The following GPR160 variants were observed in gnomAD, a reference collection of about 807,000 sequenced individuals.
The protein encoded by GPR160 is G protein-coupled receptor 160.
In GPR160, 2 loss-of-function variants were observed where a neutral mutation model predicts 2.6. The ratio of observed to expected loss-of-function variants is 0.77; its 90% confidence interval spans 0.32 to 2.44. The LOEUF (loss-of-function observed/expected upper bound fraction) is 2.44, where lower values mean the gene tolerates loss of function less well. Ranked by LOEUF, GPR160 falls within the 30% of genes most tolerant of loss-of-function variation. GPR160 has a pLI of 0.11. For missense variants in GPR160, 351 were observed against 383.6 expected, an observed-to-expected ratio of 0.91 and a Z score of 0.71; for synonymous variants, 130 against 132.2, an observed-to-expected ratio of 0.98 and a Z score of 0.12.
At chr3:170,059,746 C>T (rs1165678816) in intron 2 of GPR160, among the ~76,000 whole-genome samples, 6 of 151,866 alleles carry the variant, frequency 4.0e-5, no homozygotes, top group African/African-American at 7.3e-5. Context: ...CACAGGGAAA[C>T]GGGTGCCATG....
intron 2 of GPR160, among the ~76,000 whole-genome samples, chr3:170,058,252 C>T (rs1384075759): frequency 1.3e-5 from 2 of 152,168 alleles, no homozygotes; most frequent in Non-Finnish European, 2.9e-5. Flanking sequence ...TTTCAGGCCA[C>T]TGGGTGGCTG....
At chr3:170,082,667 C>T (rs995326439) in intron 3 of GPR160, among the ~76,000 whole-genome samples, 1 of 152,150 alleles carries the variant, frequency 6.6e-6, no homozygotes, top group African/African-American at 2.4e-5. Flanking sequence ...ACAATCATGG[C>T]TCACTGCAGC....
At position 170,084,688 on chromosome 3, in the gene GPR160, T is replaced by A; in HGVS notation, c.716T>A (p.Ile239Lys). 1 of 1,612,196 alleles carries A rather than the reference T, an allele frequency of 6.2e-7. No individual in the cohort carries two copies. The highest frequency in any genetic ancestry group is 1.7e-4 in the Middle Eastern group (1 of 6,056). The change falls in exon 4 of 4, where the codon ATA (isoleucine) becomes AAA (lysine). Residue 239 changes from isoleucine to lysine, a missense_variant. By Grantham distance (102) the Ile-to-Lys change is moderately radical. Transcript: ENST00000355897. ...AGTTATACTGTGAGATCTAAAAAAATATTCTTATCCAAGCTCATTGTCTGT... is the reference window on the plus strand; with the variant it reads ...AGTTATACTGTGAGATCTAAAAAAAAATTCTTATCCAAGCTCATTGTCTGT... The part of the protein sequence containing the change: ...HSSYTVRSKK[I>K]FLSKLIVCFL...
chr3:170,084,980 G>A lies in GPR160; in HGVS notation c.1008G>A (p.Met336Ile), dbSNP rs1713353131. 6.9e-7 allele frequency: 1 copy of A among 1,459,334 alleles called. No individual in the cohort carries two copies. Among genetic ancestry groups the A allele is most frequent in the East Asian group, 2.3e-5 (1 of 43,334 alleles). The allele number at this position is 1,459,334 out of a possible 1,614,324, so 90.4% of individuals were successfully genotyped here. A position where few individuals can be genotyped will look rare whatever the true frequency, so the allele number is the denominator to read the frequency against. ...AAATTGAAAAGCCTATATCAATAAT[G>A]ATTTGTTAATATTATTAATTAAAAG... Reference protein sequence around the residue: ...LEQIEKPISIMIC With the variant: ...LEQIEKPISIIIC Residue 336 changes from methionine to isoleucine, a missense_variant, in exon 4 of 4, where the codon ATG becomes ATA. Met to Ile is a conservative substitution (Grantham distance 10, BLOSUM62 1). Coordinates refer to ENST00000355897, the MANE Select transcript of GPR160 (RefSeq NM_014373.3).
intron 2 of GPR160, among the ~76,000 whole-genome samples, chr3:170,075,487 T>C (rs1712805796): frequency 6.6e-6 from 1 of 152,098 alleles, no homozygotes; most frequent in South Asian, 2.1e-4. Context: ...GCAACAAAGG[T>C]TTATTTCTTG....
chr3:170,081,242 C>T (rs1303125138), intron 3 of GPR160, among the ~76,000 whole-genome samples: 3 of 151,264 alleles, frequency 2.0e-5, no homozygotes, highest in African/African-American at 7.2e-5. Flanking sequence ...CTTCTTTATC[C>T]AAGCAACACC....
chr3:170,069,547 A>C (rs1005124725), intron 2 of GPR160, among the ~76,000 whole-genome samples: 1 of 151,932 alleles, frequency 6.6e-6, no homozygotes, highest in African/African-American at 2.4e-5. Flanking sequence ...CCATCTGTTC[A>C]TTTTCCAGCC....
chr3:170,065,193 A>AGTATC (rs1278447762), intron 2 of GPR160, among the ~76,000 whole-genome samples: 4 of 152,246 alleles, frequency 2.6e-5, no homozygotes, highest in Non-Finnish European at 5.9e-5. Context: ...ATAGCTAATG[A>AGTATC]GTATCGTACA....
In GPR160 at chr3:170,055,841, AG is replaced by A. The variant is rs1433416251; in HGVS notation, c.-193+16799del. 5.3e-5 allele frequency among the ~76,000 whole-genome samples: 8 copies of A among 152,232 alleles called. No individual in the cohort carries two copies. The East Asian group carries it at 1.5e-3, about 29-fold the overall frequency. On this transcript the variant is annotated intron_variant, in intron 2 of 3. Coordinates refer to ENST00000355897, the MANE Select transcript of GPR160 (RefSeq NM_014373.3). ...AGTAGAGGCGGGGTTTCACCGTGTT[AG>A]CCAGGATGGTCTCGATCTCCTCACT...
rs184581640 is a variant in GPR160, at chr3:170,064,770, G to A, written c.-192-15004G>A. 1.0e-3 allele frequency among the ~76,000 whole-genome samples: 152 copies of A among 151,964 alleles called. No individual in the cohort carries two copies. In the Middle Eastern group the frequency reaches 0.014, roughly 14 times the overall value. On this transcript the variant is annotated intron_variant, in intron 2 of 3. Coordinates refer to ENST00000355897, the MANE Select transcript of GPR160 (RefSeq NM_014373.3). ...CCTGATCTCGTCATCCGCCCGCCTC[G>A]GCCTTCCAAAGTGCTGGGATTACAG...
At chr3:170,068,614 ACT>A (rs1348762166) in intron 2 of GPR160, among the ~76,000 whole-genome samples, 3 of 151,162 alleles carry the variant, frequency 2.0e-5, no homozygotes, top group East Asian at 3.9e-4. Context: ...TTATTTTCCA[ACT>A]CTCTGTTTAC....
At position 170,072,167 on chromosome 3, in the gene GPR160, C is replaced by T. The variant is rs536623272; in HGVS notation, c.-192-7607C>T. ...GTGGCTCATTGCAACCTCCACTTCC[C>T]GGGTTCAAGCGATTCTCCTTCCTCA... On this transcript the variant is annotated intron_variant, in intron 2 of 3. Transcript: ENST00000355897. Among the ~76,000 whole-genome samples the T allele has an allele frequency of 2.9e-4, 44 of 150,792 alleles. 2 individuals are homozygous for T. Among genetic ancestry groups the T allele is most frequent in the Middle Eastern group, 6.8e-3 (2 of 294 alleles).
At chr3:170,083,864 A>G (rs990882581) in intron 3 of GPR160, 41 bp from the exon 4 acceptor site, 3 of 553,142 alleles carry the variant, frequency 5.4e-6, no homozygotes, top group Non-Finnish European at 9.3e-6. Flanking sequence ...TAAAGTTTCA[A>G]AATAGGTAAC....
At chr3:170,052,612 A>G (rs1231725545) in intron 2 of GPR160, among the ~76,000 whole-genome samples, 2 of 152,132 alleles carry the variant, frequency 1.3e-5, no homozygotes, top group African/African-American at 2.4e-5. Context: ...CACTCTTTAT[A>G]TATGTGGTCT....
chr3:170,064,525 T>C (rs1462344773), intron 2 of GPR160, among the ~76,000 whole-genome samples: 2 of 139,760 alleles, frequency 1.4e-5, no homozygotes, highest in African/African-American at 2.7e-5. Flanking sequence ...TTTTTTTTTT[T>C]TTTTTTTTTT....
intron 2 of GPR160, among the ~76,000 whole-genome samples, chr3:170,074,282 A>T (rs1712744862): frequency 6.6e-6 from 1 of 152,192 alleles, no homozygotes; most frequent in African/African-American, 2.4e-5. Context: ...TTATCGAAAT[A>T]AAGTTGTTCA....
intron 2 of GPR160, among the ~76,000 whole-genome samples, chr3:170,073,650 T>C (rs554652781): frequency 6.6e-6 from 1 of 152,298 alleles, no homozygotes; most frequent in Non-Finnish European, 1.5e-5. Flanking sequence ...TGCTAATAAT[T>C]TGTTAACAAT....
At chr3:170,061,779 T>C (rs1345916100) in intron 2 of GPR160, among the ~76,000 whole-genome samples, 2 of 152,138 alleles carry the variant, frequency 1.3e-5, no homozygotes, top group Non-Finnish European at 2.9e-5. Context: ...TTATAATTAT[T>C]GGCAAGTCTC....
At chr3:170,069,537 C>A (rs1712492138) in intron 2 of GPR160, among the ~76,000 whole-genome samples, 1 of 151,740 alleles carries the variant, frequency 6.6e-6, no homozygotes, top group African/African-American at 2.4e-5. Context: ...CATTTACCGT[C>A]CATCTGTTCA....
Sources: allele counts gnomAD v4.1 joint callset (sites outside exome capture counted in the v4.1 genomes callset), GRCh38; gene constraint gnomAD v4.1.1; transcripts MANE v1.5; gene names NCBI Gene and HGNC (gene_info 2026-07-23, HGNC 2026-07-21).